Variants in MAVS observed in about 807,000 individuals in gnomAD.
The protein encoded by MAVS is mitochondrial antiviral-signaling protein.
A neutral mutation model predicts 30.2 loss-of-function variants in MAVS; 20 were observed. The ratio of observed to expected loss-of-function variants is 0.66; its 90% CI spans 0.47 to 0.96. The LOEUF is 0.96. MAVS is among the 40% of genes least tolerant of loss of function. MAVS has a pLI of 0.00. For synonymous variants in MAVS, 278 were observed against 293.9 expected, an observed-to-expected ratio of 0.95 and a Z score of 0.55; for missense variants, 624 against 701.1, an observed-to-expected ratio of 0.89 and a Z score of 1.24.
At chr20:3,853,313 C>T (rs1338113498) in intron 1 of MAVS, among the ~76,000 whole-genome samples, 4 of 150,790 alleles carry the variant, frequency 2.7e-5, no homozygotes, top group East Asian at 2.0e-4. Flanking sequence ...CGTGAAACCC[C>T]GTCTCTACTA....
rs1396095330 is a variant in MAVS, at chr20:3,850,816, G to T, written c.-67-3742G>T. The stretch of plus-strand genomic sequence containing the variant: ...CAGGAGAATGGTGTGAACCCAGGAG[G>T]TGGAGCTTGCAGTGAGCCGAGATTG... On this transcript the variant is annotated intron_variant, in intron 1 of 6. Transcript: ENST00000428216. 2.7e-5 allele frequency among the ~76,000 whole-genome samples: 4 copies of T among 150,808 alleles called. No homozygotes were observed. In the East Asian group the frequency reaches 5.9e-4, roughly 22 times the overall value.
chr20:3,855,403 C>G (rs905042403), intron 2 of MAVS, among the ~76,000 whole-genome samples: 1 of 152,116 alleles, frequency 6.6e-6, no homozygotes, highest in Admixed American at 6.6e-5. Context: ...TTCCATTCTC[C>G]TTGTCATGGG....
rs1463768338 is a variant in MAVS, at chr20:3,866,003, C to A, written c.1479C>A (p.Pro493=). 6.2e-6 allele frequency: 10 copies of A among 1,612,906 alleles called. No individual in the cohort carries two copies. Among genetic ancestry groups the A allele is most frequent in the Non-Finnish European group, 8.5e-6 (10 of 1,179,984 alleles). The change falls in exon 7 of 7, where the codon CCC becomes CCA. Residue 493 remains proline (P), a synonymous_variant. Coordinates refer to ENST00000428216, the MANE Select transcript of MAVS (RefSeq NM_020746.5). Reference sequence around the variant, plus strand: ...CACCTGCGGACCCGGATGGCGGCCCCAGGCCACAAGCCGACCGGAAGTTCC... The same window carrying A: ...CACCTGCGGACCCGGATGGCGGCCCAAGGCCACAAGCCGACCGGAAGTTCC... ...PGPPADPDGG[P]RPQADRKFQE...
chr20:3,854,255 T>C (rs1044636089), intron 1 of MAVS, among the ~76,000 whole-genome samples: 2 of 151,354 alleles, frequency 1.3e-5, no homozygotes, highest in South Asian at 2.1e-4. Flanking sequence ...ACCCCATCTC[T>C]ACTAAAAATA....
At chr20:3,848,512 A>C (rs2089729916) in intron 1 of MAVS, among the ~76,000 whole-genome samples, 1 of 152,164 alleles carries the variant, frequency 6.6e-6, no homozygotes, top group African/African-American at 2.4e-5. Flanking sequence ...TACTTGCCCC[A>C]CGAGGAATGT....
chr20:3,851,974 A>G (rs2089763650), intron 1 of MAVS, among the ~76,000 whole-genome samples: 1 of 143,236 alleles, frequency 7.0e-6, no homozygotes, highest in Admixed American at 7.1e-5. Context: ...GAAAAAAAGA[A>G]TGTATGTGTA....
intron 1 of MAVS, among the ~76,000 whole-genome samples, chr20:3,851,832 G>A (rs1287496937): frequency 6.6e-6 from 1 of 151,894 alleles, no homozygotes; most frequent in African/African-American, 2.4e-5. Context: ...GTGCATGTCT[G>A]TAATTCCAGC....
rs1043926813 is a variant in MAVS at position 3,857,775 on chromosome 20, C to T, written c.258C>T (p.Asp86=). Residue 86 remains aspartate (D), a synonymous_variant, in exon 3 of 7, where the codon GAC becomes GAT. Coordinates refer to ENST00000428216, the MANE Select transcript of MAVS (RefSeq NM_020746.5). ...LRGCELVDLA[D]EVASVYQSYQ... is the part of the protein sequence containing the mutation. Reference sequence around the variant, plus strand: ...GCTGTGAGCTAGTTGATCTCGCGGACGAAGTGGCCTCTGTCTACCAGAGCT... The same window carrying T: ...GCTGTGAGCTAGTTGATCTCGCGGATGAAGTGGCCTCTGTCTACCAGAGCT... 27 of 1,614,104 alleles carry T rather than the reference C, an allele frequency of 1.7e-5. No homozygotes were observed. The highest frequency in any genetic ancestry group is 1.3e-4 in the African/African-American group (10 of 74,932).
chr20:3,861,218 G>T, intron 3 of MAVS, 114 bp from the exon 4 acceptor site: 1 of 966,180 alleles, frequency 1.0e-6, no homozygotes, highest in Non-Finnish European at 1.6e-6. Flanking sequence ...GGGTGGTCTC[G>T]ATCTGACCTC....
At chr20:3,849,337 G>C (rs1169414698) in intron 1 of MAVS, among the ~76,000 whole-genome samples, 2 of 151,904 alleles carry the variant, frequency 1.3e-5, no homozygotes, top group Non-Finnish European at 2.9e-5. Flanking sequence ...AGCCTCCCGA[G>C]TAGCTGGGAT....
rs774168436 is a variant in MAVS at position 3,857,735 on chromosome 20, T to C, written c.218T>C (p.Ile73Thr). The change falls in exon 3 of 7, where the codon ATT becomes ACT. Residue 73 changes from isoleucine to threonine, a missense_variant. Physicochemically the swap from Ile to Thr is moderately conservative, Grantham distance 89 (BLOSUM62 -1). Transcript: ENST00000428216. ...QRRPGWVEYFIAALRGCELVD... is the reference protein window; with the variant it reads ...QRRPGWVEYFTAALRGCELVD... Reference sequence around the variant, plus strand: ...CGGCCCGGCTGGGTGGAGTACTTCATTGCGGCACTGAGGGGCTGTGAGCTA... The same window carrying C: ...CGGCCCGGCTGGGTGGAGTACTTCACTGCGGCACTGAGGGGCTGTGAGCTA... The C allele has an allele frequency of 1.3e-5, 21 of 1,614,106 alleles. No homozygotes were observed. Among genetic ancestry groups the C allele is most frequent in the South Asian group, 6.6e-5 (6 of 91,092 alleles).
chr20:3,848,483 T>C (rs1333380218), intron 1 of MAVS, among the ~76,000 whole-genome samples: 1 of 152,154 alleles, frequency 6.6e-6, no homozygotes, highest in East Asian at 1.9e-4. Context: ...CCTTCCTGAT[T>C]CTCCTGACCT....
rs368579288 is a variant in MAVS at position 3,875,284 on chromosome 20, T to C, written c.*9137T>C. On this transcript the variant is annotated 3_prime_UTR_variant, in exon 7 of 7. Coordinates refer to ENST00000428216, the MANE Select transcript of MAVS (RefSeq NM_020746.5). Reference sequence around the variant, plus strand: ...TAGTTAATTTAGCCAGGCATGATGATATATGCCTGTAGTCCCAACTACTTG... The same window carrying C: ...TAGTTAATTTAGCCAGGCATGATGACATATGCCTGTAGTCCCAACTACTTG... 3.3e-5 allele frequency: 5 copies of C among 151,930 alleles called. No individual in the cohort carries two copies. In the East Asian group the frequency reaches 7.7e-4, roughly 24 times the overall value. 9.4% of individuals were successfully genotyped at this position (151,930 alleles called of 1,614,324 possible).
chr20:3,864,583 CTG>C lies in MAVS; in HGVS notation c.955_956del (p.Val319GlnfsTer10). 1 of 1,614,218 alleles carries C rather than the reference CTG, an allele frequency of 6.2e-7. No individual in the cohort carries two copies. Among genetic ancestry groups the C allele is most frequent in the Non-Finnish European group, 8.5e-7 (1 of 1,180,042 alleles). On this transcript the variant is annotated frameshift_variant, in exon 6 of 7. Transcript: ENST00000428216. LOFTEE classifies it high-confidence loss of function. Reference sequence around the variant, plus strand: ...CTGAAAGTGCCTGCCAACCCAGCATCTGTCAGCACAGTGCCCTCCAAGTTGCC... The same window carrying C: ...CTGAAAGTGCCTGCCAACCCAGCATCTCAGCACAGTGCCCTCCAAGTTGCC...
chr20:3,848,289 G>A (rs1264541874), intron 1 of MAVS, among the ~76,000 whole-genome samples: 1 of 152,036 alleles, frequency 6.6e-6, no homozygotes, highest in Non-Finnish European at 1.5e-5. Flanking sequence ...AGTAGAGACG[G>A]GGTTTCACCA....
At chr20:3,860,007 T>TG (rs57731422) in intron 3 of MAVS, among the ~76,000 whole-genome samples, 8,669 of 151,894 alleles carry the variant, frequency 0.057, 409 homozygotes, top group East Asian at 0.24. Flanking sequence ...TTAGTAGAGA[T>TG]GGGGTTTCAC....
rs753680631 is a variant in MAVS, at chr20:3,865,775, G to T, written c.1251G>T (p.Glu417Asp). Residue 417 changes from glutamate (E) to aspartate (D), a missense_variant, in exon 7 of 7, where the codon GAG becomes GAT. Physicochemically the swap from Glu to Asp is conservative, Grantham distance 45. Coordinates refer to ENST00000428216, the MANE Select transcript of MAVS (RefSeq NM_020746.5). The surrounding 1 kb of genome is among the most constrained non-coding windows in gnomAD (Gnocchi z 4.7). ...CTGAGAATAGGGGCCTTGGGTCGGAGCTGAGTAAGCCTGGCGTGCTGGCAT... is the reference window on the plus strand; with the variant it reads ...CTGAGAATAGGGGCCTTGGGTCGGATCTGAGTAAGCCTGGCGTGCTGGCAT... ...SSSENRGLGS[E>D]LSKPGVLASQ... is the part of the protein sequence containing the mutation. The T allele has an allele frequency of 6.2e-6, 10 of 1,613,784 alleles. No homozygotes were observed. The East Asian group carries it at 2.2e-4, about 36-fold the overall frequency.
At chr20:3,857,281 C>T (rs769197328) in intron 2 of MAVS, among the ~76,000 whole-genome samples, 1 of 152,150 alleles carries the variant, frequency 6.6e-6, no homozygotes, top group Non-Finnish European at 1.5e-5. Flanking sequence ...GATTCCTGCC[C>T]CACTGTTTTA....
rs2089907356 is a variant in MAVS at position 3,866,182 on chromosome 20, C to T, written c.*35C>T. On this transcript the variant is annotated 3_prime_UTR_variant, in exon 7 of 7. Transcript: ENST00000428216. The stretch of plus-strand genomic sequence containing the variant: ...GGGCTCTTCCCACCACCCATCTGTT[C>T]CGTTCCTGCAGTACACCTGGCCCCT... The T allele has an allele frequency of 1.3e-6, 2 of 1,528,374 alleles. No homozygotes were observed. Among genetic ancestry groups the T allele is most frequent in the African/African-American group, 2.7e-5 (2 of 72,828 alleles). The allele number at this position is 1,528,374 out of a possible 1,614,324, so 94.7% of individuals were successfully genotyped here. A position where few individuals can be genotyped will look rare whatever the true frequency, so the allele number is the denominator to read the frequency against.
Sources: gnomAD v4.1 joint callset for allele counts (sites outside exome capture counted in the v4.1 genomes callset) on GRCh38, gnomAD v4.1.1 for gene constraint, Gnocchi (gnomAD v3.1) non-coding constraint, MANE v1.5 for transcripts, NCBI Gene and HGNC (gene_info 2026-07-23, HGNC 2026-07-21) for gene names.